POU3F3: variants seen among roughly 807,000 people sequenced by gnomAD.
POU3F3 encodes the protein POU domain, class 3, transcription factor 3.
Under a neutral mutation model 8.6 loss-of-function variants are expected in POU3F3, and 1 was observed. The ratio of observed to expected loss-of-function variants is 0.12; its 90% CI spans 0.04 to 0.55. The LOEUF (loss-of-function observed/expected upper bound fraction) is 0.55, where lower values mean the gene tolerates loss of function less well. Among genes scored for constraint, POU3F3 ranks in the 20% least tolerant of loss-of-function variants. The pLI, the probability that POU3F3 is intolerant of heterozygous loss-of-function variation, is 0.91. For missense variants in POU3F3, 577 were observed against 690.7 expected (o/e 0.84, Z 1.84); for synonymous variants, 418 against 327.4 (o/e 1.28, Z -2.99).
chr2:104,918,254 C>T, the POU3F3 span, among the ~76,000 whole-genome samples: 40 of 152,276 alleles, frequency 2.6e-4, no homozygotes, highest in South Asian at 5.8e-3. Flanking sequence ...CCAGCAGGCC[C>T]GGATGTAGAA....
the POU3F3 span, among the ~76,000 whole-genome samples, chr2:104,891,909 G>A: frequency 6.6e-6 from 1 of 152,132 alleles, no homozygotes; most frequent in Admixed American, 6.5e-5. Context: ...CTTTTTGGTT[G>A]GATAAATACA....
chr2:104,907,901 T>C, the POU3F3 span, among the ~76,000 whole-genome samples: 1 of 152,154 alleles, frequency 6.6e-6, no homozygotes, highest in Non-Finnish European at 1.5e-5. Flanking sequence ...CATGATACTA[T>C]GATATGGATA....
chr2:104,880,631 G>A, the POU3F3 span, among the ~76,000 whole-genome samples: 1 of 152,142 alleles, frequency 6.6e-6, no homozygotes, highest in South Asian at 2.1e-4. Flanking sequence ...GCCTTTCCGG[G>A]CCAATGGATA....
the POU3F3 span, among the ~76,000 whole-genome samples, chr2:104,901,673 T>C: frequency 6.6e-6 from 1 of 152,178 alleles, no homozygotes. Context: ...AGCAGTTTGG[T>C]GTGATTTAAT....
At chr2:104,878,702 A>G in the POU3F3 span, among the ~76,000 whole-genome samples, 2 of 152,142 alleles carry the variant, frequency 1.3e-5, no homozygotes, top group East Asian at 3.9e-4. Context: ...CAGTCACCCC[A>G]TCCTTACCAC....
the POU3F3 span, among the ~76,000 whole-genome samples, chr2:104,885,798 T>C: frequency 6.6e-6 from 1 of 151,682 alleles, no homozygotes; most frequent in South Asian, 2.1e-4. Flanking sequence ...TTCTTTCCTT[T>C]CTTTCTTTTT....
At chr2:104,893,268 C>T in the POU3F3 span, among the ~76,000 whole-genome samples, 1 of 152,146 alleles carries the variant, frequency 6.6e-6, no homozygotes, top group East Asian at 1.9e-4. Flanking sequence ...AGGATGGTCC[C>T]CAGTGTGATG....
the POU3F3 span, among the ~76,000 whole-genome samples, chr2:104,904,348 C>T: frequency 1.3e-5 from 2 of 151,990 alleles, no homozygotes; most frequent in Middle Eastern, 6.8e-3. Context: ...CATATGTCAC[C>T]AACAGGGCCA....
the POU3F3 span, among the ~76,000 whole-genome samples, chr2:104,918,703 C>T: frequency 7.9e-5 from 6 of 76,356 alleles, no homozygotes; most frequent in African/African-American, 3.3e-4. Flanking sequence ...CCTGCCAACA[C>T]CTGGATCTCA....
Position 104,856,343 on chromosome 2 carries a change from C to T in POU3F3, c.833C>T (p.Ala278Val), listed in dbSNP as rs1462775136. ...CACCACCACCACCACCACCACCACG[C>T]GCATCCTCACCCGCCGCACCCGCAC... ...AEHHHHHHHH[A>V]HPHPPHPHHA... The change falls in exon 1 of 1, where the codon GCG becomes GTG. Residue 278 changes from alanine to valine, a missense_variant. This residue lies in a region of POU3F3 where 484 missense variants were observed against 422.6 expected (regional missense o/e 1.15). Transcript: ENST00000361360. 1.3e-6 allele frequency: 2 copies of T among 1,511,378 alleles called. No individual in the cohort carries two copies. Among genetic ancestry groups the T allele is most frequent in the Non-Finnish European group, 1.8e-6 (2 of 1,135,528 alleles). The allele number at this position is 1,511,378 out of a possible 1,614,324, so 93.6% of individuals were successfully genotyped here.
the POU3F3 span, among the ~76,000 whole-genome samples, chr2:104,917,380 T>C: frequency 2.0e-5 from 3 of 152,210 alleles, no homozygotes; most frequent in Non-Finnish European, 4.4e-5. Flanking sequence ...ACTATGACTA[T>C]AGAGACAATT....
At position 104,854,168 on chromosome 2, in the gene POU3F3, G is replaced by A. The variant is rs935662159; in HGVS notation, c.-1343G>A. On this transcript the variant is annotated 5_prime_UTR_variant, in exon 1 of 1. Coordinates refer to ENST00000361360, the MANE Select transcript of POU3F3 (RefSeq NM_006236.3). This position sits in a 1 kb window ranked among gnomAD's most constrained non-coding sequence, Gnocchi z 4.5. ...GGACAGAGAGCGAACTGTCAGATCGGAGCGAGAGCGGGCGCCCGAGAGAGG... is the reference window on the plus strand; with the variant it reads ...GGACAGAGAGCGAACTGTCAGATCGAAGCGAGAGCGGGCGCCCGAGAGAGG... 4.5e-4 allele frequency among the ~76,000 whole-genome samples: 69 copies of A among 152,172 alleles called. 4 individuals carry two copies. The highest frequency in any genetic ancestry group is 1.5e-5 in the Non-Finnish European group (1 of 68,038).
At chr2:104,916,439 T>C in the POU3F3 span, among the ~76,000 whole-genome samples, 2 of 152,150 alleles carry the variant, frequency 1.3e-5, no homozygotes, top group Non-Finnish European at 1.5e-5. Context: ...GTGCCTCTGA[T>C]TCAAAATCTC....
downstream of POU3F3, among the ~76,000 whole-genome samples, chr2:104,861,741 T>C (rs746787984): frequency 9.2e-5 from 14 of 152,018 alleles, no homozygotes; most frequent in South Asian, 2.1e-4. Flanking sequence ...GCTGCTGCTG[T>C]TGTTGTTGTT....
the POU3F3 span, among the ~76,000 whole-genome samples, chr2:104,889,372 G>A: frequency 6.6e-6 from 1 of 152,148 alleles, no homozygotes. Flanking sequence ...TGAATGCCAG[G>A]TTCCACCCAG....
the POU3F3 span, among the ~76,000 whole-genome samples, chr2:104,873,713 T>G: frequency 6.6e-6 from 1 of 152,198 alleles, no homozygotes; most frequent in Non-Finnish European, 1.5e-5. Context: ...TCTCCCACTC[T>G]CTGCACTCCT....
the POU3F3 span, among the ~76,000 whole-genome samples, chr2:104,864,815 T>G: frequency 6.6e-6 from 1 of 152,194 alleles, no homozygotes; most frequent in African/African-American, 2.4e-5. Flanking sequence ...TTAAAATAGA[T>G]GGAGAGGCTT....
At chr2:104,897,489 C>A in the POU3F3 span, among the ~76,000 whole-genome samples, 1 of 152,146 alleles carries the variant, frequency 6.6e-6, no homozygotes, top group Non-Finnish European at 1.5e-5. Context: ...GGGAAAACCC[C>A]CCTCCCCCTA....
In POU3F3 at chr2:104,857,165, C is replaced by A. The variant is rs1022882678; in HGVS notation, c.*152C>A. On this transcript the variant is annotated 3_prime_UTR_variant, in exon 1 of 1. Coordinates refer to ENST00000361360, the MANE Select transcript of POU3F3 (RefSeq NM_006236.3). Reference sequence around the variant, plus strand: ...ACCTGGGCCGCTCCGGGCTCCAGCCCAGGCCCATCCGCCGCCCTCCCCTCC... The same window carrying A: ...ACCTGGGCCGCTCCGGGCTCCAGCCAAGGCCCATCCGCCGCCCTCCCCTCC... The A allele has an allele frequency of 7.2e-6, 6 of 830,560 alleles. No individual in the cohort carries two copies. Among genetic ancestry groups the A allele is most frequent in the Non-Finnish European group, 8.7e-6 (6 of 688,750 alleles). The allele number at this position is 830,560 out of a possible 1,614,324, so 51.4% of individuals were successfully genotyped here.
Sources: allele counts gnomAD v4.1 joint callset (sites outside exome capture counted in the v4.1 genomes callset), GRCh38; gene constraint gnomAD v4.1.1; regional missense constraint gnomAD v4.1.1; non-coding constraint Gnocchi (gnomAD v3.1); transcripts MANE v1.5; gene names NCBI Gene and HGNC (gene_info 2026-07-23, HGNC 2026-07-21).